DYNC2LI1: variants seen among roughly 807,000 people sequenced by gnomAD.
DYNC2LI1 encodes cytoplasmic dynein 2 light intermediate chain 1.
A neutral mutation model predicts 51.9 loss-of-function variants in DYNC2LI1; 45 were observed. The ratio of observed to expected loss-of-function variants is 0.87; its 90% CI spans 0.68 to 1.11. The LOEUF (loss-of-function observed/expected upper bound fraction) is 1.11. Ranked by LOEUF, DYNC2LI1 falls within the 50% of genes most tolerant of loss-of-function variation. The probability of loss-of-function intolerance (pLI) is 0.00; values close to 1 mark genes in which losing one functional copy is unlikely to be tolerated. For synonymous variants in DYNC2LI1, 130 were observed against 137.8 expected (o/e 0.94, Z 0.40); for missense variants, 490 against 417.4 (o/e 1.17, Z -1.51).
the DYNC2LI1 span, chr2:43,823,872 T>A: frequency 6.2e-7 from 1 of 1,603,268 alleles, no homozygotes; most frequent in Non-Finnish European, 8.5e-7. Flanking sequence ...AGGGAGGTAT[T>A]TAGGGAGAAA....
the DYNC2LI1 span, among the ~76,000 whole-genome samples, chr2:43,817,300 C>A: frequency 1.3e-5 from 2 of 151,134 alleles, no homozygotes; most frequent in Non-Finnish European, 3.0e-5. Context: ...GCCTGACCAA[C>A]TTGGTGAAAC....
chr2:43,775,808 C>A, intron 1 of DYNC2LI1: 2 of 269,262 alleles, frequency 7.4e-6, no homozygotes, highest in Non-Finnish European at 7.2e-6. Context: ...ATGCCTCAGC[C>A]TCCTGAGTAG....
rs551082197 is a variant in DYNC2LI1 at position 43,799,172 on chromosome 2, A to G, written c.655-1669A>G. Among the ~76,000 whole-genome samples, 155 of 152,206 alleles carry G rather than the reference A, an allele frequency of 1.0e-3. 1 individual carries two copies. Among genetic ancestry groups the G allele is most frequent in the Admixed American group, 1.9e-3 (29 of 15,286 alleles). ...TTTAATTAGCCAGTCATCATAGTGC[A>G]TGCCTGTGATCCTAGCTACTTAGGA... On this transcript the variant is annotated intron_variant, in intron 8 of 12. Transcript: ENST00000260605.
chr2:43,805,103 A>C (rs1357549835), intron 11 of DYNC2LI1, 51 bp from the exon 12 acceptor site: 1 of 1,194,416 alleles, frequency 8.4e-7, no homozygotes, highest in East Asian at 2.4e-5. Flanking sequence ...GATGGTAGCC[A>C]TTGAATTTTG....
chr2:43,820,029 A>G, the DYNC2LI1 span: 36 of 1,614,094 alleles, frequency 2.2e-5, no homozygotes, highest in East Asian at 3.8e-4. Flanking sequence ...AAATTCACCA[A>G]TTAAGTGGGG....
chr2:43,819,927 G>T, the DYNC2LI1 span: 2 of 1,614,080 alleles, frequency 1.2e-6, no homozygotes, highest in Non-Finnish European at 1.7e-6. Flanking sequence ...GAGGAATCCA[G>T]ATCCAACAAG....
chr2:43,776,955 T>C lies in DYNC2LI1; in HGVS notation c.126+56T>C, dbSNP rs1280032256. On this transcript the variant is annotated intron_variant, in intron 2 of 12. Transcript: ENST00000260605. Reference sequence around the variant, plus strand: ...TGATTTAACAACCATTGGTAAAATATCTGTTAATACTTTGATTAAAATGTA... The same window carrying C: ...TGATTTAACAACCATTGGTAAAATACCTGTTAATACTTTGATTAAAATGTA... The C allele has an allele frequency of 4.4e-6, 4 of 916,240 alleles. No homozygotes were observed. In the Admixed American group the frequency reaches 8.0e-5, roughly 18 times the overall value. The allele number at this position is 916,240 out of a possible 1,614,324, so 56.8% of individuals were successfully genotyped here.
the DYNC2LI1 span, among the ~76,000 whole-genome samples, chr2:43,827,249 T>C: frequency 1.4e-5 from 2 of 147,820 alleles, no homozygotes; most frequent in Admixed American, 1.4e-4. Flanking sequence ...CGCTTCAACC[T>C]GGGAGGTGGA....
chr2:43,788,468 G>A (rs1320548021), intron 4 of DYNC2LI1, among the ~76,000 whole-genome samples: 1 of 152,114 alleles, frequency 6.6e-6, no homozygotes, highest in Non-Finnish European at 1.5e-5. Context: ...GTCTTTCTCA[G>A]ATTTAATTCC....
At chr2:43,826,939 A>G in the DYNC2LI1 span, among the ~76,000 whole-genome samples, 5 of 152,378 alleles carry the variant, frequency 3.3e-5, no homozygotes, top group East Asian at 9.6e-4. Context: ...TTTGCACAGA[A>G]AAGAAAAAAA....
chr2:43,804,092 C>T (rs761068854), intron 10 of DYNC2LI1, among the ~76,000 whole-genome samples: 12 of 151,886 alleles, frequency 7.9e-5, no homozygotes, highest in Non-Finnish European at 1.8e-4. Context: ...TTCAATATAC[C>T]CTATTATTCA....
chr2:43,796,013 A>G, intron 7 of DYNC2LI1, 55 bp downstream of exon 7: 1 of 1,200,796 alleles, frequency 8.3e-7, no homozygotes, highest in Middle Eastern at 1.9e-4. Flanking sequence ...TGTGCTTTTT[A>G]TGAGGGAGGT....
chr2:43,803,978 A>C (rs1026602175), intron 10 of DYNC2LI1, among the ~76,000 whole-genome samples: 8 of 152,232 alleles, frequency 5.3e-5, no homozygotes, highest in Admixed American at 2.6e-4. Context: ...TGTTCTTTCC[A>C]ATTTCCTATG....
At position 43,800,868 on chromosome 2, in the gene DYNC2LI1, C is replaced by T; in HGVS notation, c.682C>T (p.Leu228=). ...TACCAGTAAATCAGAAGCTCTATTA[C>T]TAAAAATACGTGGAGTTATCAACCA... ...MFTSKSEALL[L]KIRGVINQLA... The change falls in exon 9 of 13, where the codon CTA becomes TTA. Residue 228 remains leucine, a synonymous_variant. Transcript: ENST00000260605. The T allele has an allele frequency of 6.2e-7, 1 of 1,602,746 alleles. No individual in the cohort carries two copies. The highest frequency in any genetic ancestry group is 8.5e-7 in the Non-Finnish European group (1 of 1,173,700).
At chr2:43,825,231 T>C in the DYNC2LI1 span, among the ~76,000 whole-genome samples, 1 of 152,144 alleles carries the variant, frequency 6.6e-6, no homozygotes, top group South Asian at 2.1e-4. Flanking sequence ...TCCCTACCCT[T>C]GTGAGCCTAG....
intron 4 of DYNC2LI1, among the ~76,000 whole-genome samples, chr2:43,789,116 CT>C (rs1673658400): frequency 6.6e-6 from 1 of 152,216 alleles, no homozygotes; most frequent in Non-Finnish European, 1.5e-5. Flanking sequence ...TCTGCTTATA[CT>C]TTTGCTCAAG....
chr2:43,811,216 C>A (rs1666469034), downstream of DYNC2LI1, among the ~76,000 whole-genome samples: 1 of 152,174 alleles, frequency 6.6e-6, no homozygotes, highest in Non-Finnish European at 1.5e-5. Context: ...TTGTCTATAA[C>A]TGATGTGACA....
chr2:43,790,523 T>C (rs1204070128), intron 5 of DYNC2LI1, among the ~76,000 whole-genome samples: 1 of 151,344 alleles, frequency 6.6e-6, no homozygotes, highest in East Asian at 1.9e-4. Context: ...ACTGGCTGGA[T>C]ACGGTTGGTT....
chr2:43,815,791 G>A, the DYNC2LI1 span, among the ~76,000 whole-genome samples: 9 of 151,600 alleles, frequency 5.9e-5, no homozygotes, highest in South Asian at 1.9e-3. Flanking sequence ...GCCTTGCTGT[G>A]AGTTGAGGTT....
Sources: gnomAD v4.1 joint callset for allele counts (sites outside exome capture counted in the v4.1 genomes callset) on GRCh38, gnomAD v4.1.1 for gene constraint, MANE v1.5 for transcripts, NCBI Gene and HGNC (gene_info 2026-07-23, HGNC 2026-07-21) for gene names.